The following RPRD1B variants were observed in gnomAD, a reference collection of about 807,000 sequenced individuals.
RPRD1B encodes regulation of nuclear pre-mRNA domain containing 1B, also known as regulation of nuclear pre-mRNA domain-containing protein 1B.
A neutral mutation model predicts 41.5 loss-of-function variants in RPRD1B; 11 were observed. The observed-to-expected ratio is 0.27, with a 90% CI of 0.17 to 0.44. RPRD1B has a LOEUF of 0.44. RPRD1B is among the 20% of genes least tolerant of loss of function. The pLI is 1.00. For missense variants in RPRD1B, 248 were observed against 389.9 expected, an observed-to-expected ratio of 0.64 and a Z score of 3.06; for synonymous variants, 158 against 155.6, an observed-to-expected ratio of 1.02 and a Z score of -0.12.
intron 2 of RPRD1B, 101 bp from the exon 3 acceptor site, chr20:38,048,247 A>G (rs1309561005): frequency 1.1e-5 from 14 of 1,237,900 alleles, no homozygotes; most frequent in Non-Finnish European, 1.5e-5. Context: ...TGTGTAAATC[A>G]TTTAGTCAGT....
intron 6 of RPRD1B, among the ~76,000 whole-genome samples, chr20:38,089,078 C>T (rs1260292977): frequency 2.0e-5 from 3 of 152,100 alleles, no homozygotes; most frequent in Non-Finnish European, 2.9e-5. Flanking sequence ...AGTGGGGTGC[C>T]GTGCCTCACT....
intron 6 of RPRD1B, among the ~76,000 whole-genome samples, chr20:38,087,795 T>C (rs183465241): frequency 8.5e-5 from 13 of 152,332 alleles, no homozygotes; most frequent in Non-Finnish European, 1.3e-4. Flanking sequence ...GAAAGGTGAC[T>C]GTTAACCAAA....
intron 6 of RPRD1B, among the ~76,000 whole-genome samples, chr20:38,071,404 C>A (rs978849550): frequency 1.3e-5 from 2 of 152,196 alleles, no homozygotes; most frequent in African/African-American, 4.8e-5. Flanking sequence ...GAACACTAAT[C>A]TGTTGTATGG....
At chr20:38,066,947 G>A (rs571663120) in intron 6 of RPRD1B, among the ~76,000 whole-genome samples, 10 of 152,294 alleles carry the variant, frequency 6.6e-5, no homozygotes, top group East Asian at 5.8e-4. Flanking sequence ...GAGCCACCGC[G>A]CCCAGCCGTT....
At chr20:38,088,271 C>G (rs1344349447) in intron 6 of RPRD1B, among the ~76,000 whole-genome samples, 1 of 152,204 alleles carries the variant, frequency 6.6e-6, no homozygotes, top group Non-Finnish European at 1.5e-5. Flanking sequence ...TTATTCTTCC[C>G]AGACATTCTC....
intron 6 of RPRD1B, among the ~76,000 whole-genome samples, chr20:38,079,426 AAGT>A (rs1392346221): frequency 6.6e-6 from 1 of 152,000 alleles, no homozygotes; most frequent in Non-Finnish European, 1.5e-5. Context: ...CTCCACCCTC[AAGT>A]AGTCCCGGGT....
intron 2 of RPRD1B, among the ~76,000 whole-genome samples, chr20:38,042,721 GAGTAGCCTAATTA>G (rs907521374): frequency 1.3e-5 from 2 of 152,152 alleles, no homozygotes; most frequent in African/African-American, 4.8e-5. Context: ...TCCACAGTAG[GAGTAGCCTAATTA>G]ACATATACTT....
chr20:38,056,243 T>G (rs1309709042), intron 3 of RPRD1B, among the ~76,000 whole-genome samples: 3 of 151,898 alleles, frequency 2.0e-5, no homozygotes, highest in South Asian at 2.1e-4. Context: ...ATACAAAAAT[T>G]AGCCAGGCAT....
chr20:38,066,005 C>T, intron 5 of RPRD1B, 76 bp from the exon 6 acceptor site: 1 of 1,434,432 alleles, frequency 7.0e-7, no homozygotes, highest in Non-Finnish European at 9.6e-7. Flanking sequence ...AACCGTTAAC[C>T]TCCCCCAGAA....
intron 3 of RPRD1B, among the ~76,000 whole-genome samples, chr20:38,051,820 C>A (rs539561430): frequency 2.0e-5 from 3 of 152,024 alleles, no homozygotes; most frequent in African/African-American, 7.3e-5. Context: ...GGCGGGACCT[C>A]GGCTCACCGC....
In RPRD1B at chr20:38,052,225, G is replaced by C. The variant is rs1263015050; in HGVS notation, c.415+3744G>C. The stretch of plus-strand genomic sequence containing the variant: ...TCAGTGGGGCAATGATACGAGTTTT[G>C]TTTGCCCCTGCCAGTTCTAGTATCT... On this transcript the variant is annotated intron_variant, in intron 3 of 6. Coordinates refer to ENST00000373433, the MANE Select transcript of RPRD1B (RefSeq NM_021215.4). Among the ~76,000 whole-genome samples the C allele has an allele frequency of 2.6e-5, 4 of 152,208 alleles. No individual in the cohort carries two copies. The South Asian group carries it at 8.3e-4, about 32-fold the overall frequency.
chr20:38,075,165 A>G (rs905014993), intron 6 of RPRD1B, among the ~76,000 whole-genome samples: 2 of 152,234 alleles, frequency 1.3e-5, no homozygotes, highest in African/African-American at 4.8e-5. Context: ...TTGTCTTTTA[A>G]GTATACTGAA....
intron 5 of RPRD1B, among the ~76,000 whole-genome samples, chr20:38,064,137 G>A (rs778744863): frequency 2.0e-5 from 3 of 152,178 alleles, no homozygotes; most frequent in Non-Finnish European, 4.4e-5. Flanking sequence ...GGAAGGAGAA[G>A]TTGGCGGTCC....
chr20:38,064,460 G>A (rs767304646), intron 5 of RPRD1B, among the ~76,000 whole-genome samples: 2 of 152,152 alleles, frequency 1.3e-5, no homozygotes, highest in African/African-American at 2.4e-5. Context: ...ACTGTCCCAC[G>A]GTACTGCCGG....
At chr20:38,046,727 C>T (rs1161165623) in intron 2 of RPRD1B, among the ~76,000 whole-genome samples, 1 of 152,024 alleles carries the variant, frequency 6.6e-6, no homozygotes, top group African/African-American at 2.4e-5. Flanking sequence ...GGCTCTGAGG[C>T]AGTGCTAGGG....
At chr20:38,064,985 CAA>C (rs35993264) in intron 5 of RPRD1B, among the ~76,000 whole-genome samples, 1,241 of 109,252 alleles carry the variant, frequency 0.011, 10 homozygotes, top group African/African-American at 0.033. Context: ...GACACCATCT[CAA>C]AAAAAAAAAA....
intron 6 of RPRD1B, among the ~76,000 whole-genome samples, chr20:38,081,421 G>C (rs1403446712): frequency 6.6e-6 from 1 of 152,312 alleles, no homozygotes; most frequent in East Asian, 1.9e-4. Context: ...CTGAAGCTTT[G>C]CTGAAGTTAT....
At chr20:38,054,546 G>A (rs1208036247) in intron 3 of RPRD1B, among the ~76,000 whole-genome samples, 1 of 152,164 alleles carries the variant, frequency 6.6e-6, no homozygotes, top group Non-Finnish European at 1.5e-5. Context: ...CTGACTTTGG[G>A]CAGACTGCAA....
chr20:38,039,548 GC>G (rs1793797441), intron 1 of RPRD1B, among the ~76,000 whole-genome samples: 1 of 151,858 alleles, frequency 6.6e-6, no homozygotes, highest in South Asian at 2.1e-4. Flanking sequence ...GGGATTACAG[GC>G]ATGTGCCACC....
Sources: allele counts gnomAD v4.1 joint callset (sites outside exome capture counted in the v4.1 genomes callset), GRCh38; gene constraint gnomAD v4.1.1; transcripts MANE v1.5; gene names NCBI Gene and HGNC (gene_info 2026-07-23, HGNC 2026-07-21).